NXPE2: variants seen among roughly 807,000 people sequenced by gnomAD.
NXPE2 encodes NXPE family member 2.
Under a neutral mutation model 34.4 loss-of-function variants are expected in NXPE2, and 34 were observed. The observed-to-expected ratio is 0.99, with a 90% CI of 0.75 to 1.31. NXPE2 has a LOEUF of 1.31. Ranked by LOEUF, NXPE2 falls within the 40% of genes most tolerant of loss-of-function variation. NXPE2 has a pLI of 0.00. For synonymous variants in NXPE2, 235 were observed against 231.3 expected (o/e 1.02, Z -0.15); for missense variants, 649 against 672.5 (o/e 0.97, Z 0.39).
the NXPE2 span, among the ~76,000 whole-genome samples, chr11:114,488,546 T>G: frequency 6.6e-6 from 1 of 152,174 alleles, no homozygotes; most frequent in African/African-American, 2.4e-5. Flanking sequence ...AACTCAGGAT[T>G]AAGAAACTCA....
chr11:114,737,927 T>A, the NXPE2 span, among the ~76,000 whole-genome samples: 3 of 149,852 alleles, frequency 2.0e-5, no homozygotes, highest in South Asian at 2.1e-4. Flanking sequence ...TACTAAAAAA[T>A]AAAAAAAAAA....
chr11:114,692,304 C>T (rs1712834), intron 2 of NXPE2, among the ~76,000 whole-genome samples: 150,378 of 152,308 alleles, frequency 0.99, 74,266 homozygotes, highest in Middle Eastern at 1. Context: ...TACATCTCAG[C>T]CTCACAGCAT....
the NXPE2 span, among the ~76,000 whole-genome samples, chr11:114,670,755 G>A: frequency 2.0e-5 from 3 of 151,828 alleles, no homozygotes; most frequent in African/African-American, 7.3e-5. Flanking sequence ...ATAGAGTGGA[G>A]ATCAGTATAT....
chr11:114,631,521 T>G, the NXPE2 span, among the ~76,000 whole-genome samples: 5 of 89,898 alleles, frequency 5.6e-5, no homozygotes, highest in East Asian at 8.0e-4. Context: ...TGGGGACTGT[T>G]GTGGGGTGGG....
chr11:114,669,052 T>C, the NXPE2 span, among the ~76,000 whole-genome samples: 41 of 151,992 alleles, frequency 2.7e-4, no homozygotes, highest in Non-Finnish European at 4.3e-4. Context: ...CTGATCAGAT[T>C]TAGAGCTCCA....
the NXPE2 span, among the ~76,000 whole-genome samples, chr11:114,748,022 C>T: frequency 6.6e-6 from 1 of 152,136 alleles, no homozygotes; most frequent in African/African-American, 2.4e-5. Context: ...CGTGAGATCA[C>T]CTTTATTAGA....
chr11:114,571,255 T>C, the NXPE2 span: 1 of 1,614,034 alleles, frequency 6.2e-7, no homozygotes, highest in African/African-American at 1.3e-5. Flanking sequence ...GGAAAGGGTC[T>C]GAAATGCTGG....
At chr11:114,512,096 A>AT in the NXPE2 span, among the ~76,000 whole-genome samples, 3 of 152,258 alleles carry the variant, frequency 2.0e-5, no homozygotes, top group South Asian at 6.2e-4. Context: ...AAGTGCCGGG[A>AT]TTTTTTTGGT....
chr11:114,594,502 C>T, the NXPE2 span, among the ~76,000 whole-genome samples: 213 of 152,260 alleles, frequency 1.4e-3, 2 homozygotes, highest in East Asian at 0.024. Flanking sequence ...TATTTATCCT[C>T]TCACATATTG....
At position 114,706,754 on chromosome 11, in the gene NXPE2, T is replaced by A; in HGVS notation, c.1504T>A (p.Phe502Ile). Reference protein sequence around the residue: ...TREIEQNAEMFSDFHGYIQNL... With the variant: ...TREIEQNAEMISDFHGYIQNL... ...AGAGATAGAACAAAATGCAGAGATG[T>A]TCAGTGACTTTCATGGCTATATTCA... Residue 502 changes from phenylalanine (F) to isoleucine (I), a missense_variant, in exon 6 of 6, where the codon TTC (phenylalanine) becomes ATC (isoleucine). By Grantham distance (21) the Phe-to-Ile change is conservative. Transcript: ENST00000389586. 2 of 1,552,384 alleles carry A rather than the reference T, an allele frequency of 1.3e-6. No individual in the cohort carries two copies. Among genetic ancestry groups the A allele is most frequent in the Non-Finnish European group, 1.7e-6 (2 of 1,147,082 alleles).
the NXPE2 span, among the ~76,000 whole-genome samples, chr11:114,664,399 A>C: frequency 6.6e-6 from 1 of 152,178 alleles, no homozygotes. Context: ...ATTATTCTCT[A>C]TCTTGATTGT....
At chr11:114,589,956 T>G in the NXPE2 span, among the ~76,000 whole-genome samples, 77 of 152,322 alleles carry the variant, frequency 5.1e-4, no homozygotes, top group South Asian at 1.0e-3. Flanking sequence ...CTGAGGGAAC[T>G]AAATGGTTTA....
chr11:114,504,812 G>C, the NXPE2 span, among the ~76,000 whole-genome samples: 4 of 152,306 alleles, frequency 2.6e-5, no homozygotes, highest in East Asian at 7.7e-4. Context: ...AACTCAACAA[G>C]CTCGAGTGCC....
chr11:114,692,921 A>G (rs1951180178), intron 2 of NXPE2, among the ~76,000 whole-genome samples: 1 of 151,988 alleles, frequency 6.6e-6, no homozygotes, highest in Non-Finnish European at 1.5e-5. Context: ...GCTCTTCTCC[A>G]TGGAGGAGGC....
chr11:114,724,897 T>C, the NXPE2 span, among the ~76,000 whole-genome samples: 1 of 150,436 alleles, frequency 6.6e-6, no homozygotes, highest in Non-Finnish European at 1.5e-5. Flanking sequence ...ATGGTTTTTT[T>C]TTTTTTTTTT....
chr11:114,598,882 C>G, the NXPE2 span, among the ~76,000 whole-genome samples: 4 of 152,300 alleles, frequency 2.6e-5, no homozygotes, highest in African/African-American at 9.6e-5. Flanking sequence ...CCTGTGGAAG[C>G]TACCAAGGCT....
the NXPE2 span, among the ~76,000 whole-genome samples, chr11:114,806,493 G>C: frequency 6.6e-6 from 1 of 152,138 alleles, no homozygotes; most frequent in Non-Finnish European, 1.5e-5. Context: ...ATGCAGAGAA[G>C]TCCTTAAAGG....
intron 2 of NXPE2, among the ~76,000 whole-genome samples, chr11:114,689,320 C>G (rs1438783362): frequency 6.6e-6 from 1 of 151,880 alleles, no homozygotes; most frequent in Non-Finnish European, 1.5e-5. Context: ...TTTAAAATTT[C>G]TGCCTTAGTT....
intron 2 of NXPE2, among the ~76,000 whole-genome samples, chr11:114,697,193 C>T (rs1305910779): frequency 6.6e-6 from 1 of 152,080 alleles, no homozygotes; most frequent in Non-Finnish European, 1.5e-5. Context: ...AGTGAAAGGG[C>T]TCAAGATGAG....
Sources: gnomAD v4.1 joint callset for allele counts (sites outside exome capture counted in the v4.1 genomes callset) on GRCh38, gnomAD v4.1.1 for gene constraint, MANE v1.5 for transcripts, NCBI Gene and HGNC (gene_info 2026-07-23, HGNC 2026-07-21) for gene names.